The following ANK3 variants were observed in gnomAD, a reference collection of about 807,000 sequenced individuals.
ANK3 encodes the protein ankyrin-3.
In ANK3, 57 loss-of-function variants were observed where a neutral mutation model predicts 370.9. The ratio of observed to expected loss-of-function variants is 0.15; its 90% CI spans 0.12 to 0.19. ANK3 has a LOEUF of 0.19. ANK3 is among the 10% of genes least tolerant of loss of function. The probability of loss-of-function intolerance (pLI) is 1.00; values close to 1 mark genes in which losing one functional copy is unlikely to be tolerated. For missense variants in ANK3, 4,439 were observed against 5,302.1 expected (o/e 0.84, Z 5.06); for synonymous variants, 1,929 against 1,946.3 (o/e 0.99, Z 0.23).
chr10:60,215,374 T>C (rs1413686165), intron 8 of ANK3, among the ~76,000 whole-genome samples: 7 of 152,182 alleles, frequency 4.6e-5, no homozygotes, highest in African/African-American at 1.2e-4. Context: ...TAGATCTCAT[T>C]TGTCAAATTT....
chr10:60,557,116 C>T (rs1312750093), intron 2 of ANK3, among the ~76,000 whole-genome samples: 4 of 152,126 alleles, frequency 2.6e-5, no homozygotes, highest in Admixed American at 1.3e-4. Flanking sequence ...GACCACTGTA[C>T]CATATGACCA....
At chr10:60,141,658 T>C (rs1372068154) in intron 23 of ANK3, among the ~76,000 whole-genome samples, 3 of 121,386 alleles carry the variant, frequency 2.5e-5, no homozygotes, top group Non-Finnish European at 4.9e-5. Context: ...GTTTAGAAAC[T>C]GTCTTGCTGA....
At chr10:60,534,748 T>C (rs1290883854) in intron 2 of ANK3, among the ~76,000 whole-genome samples, 1 of 152,114 alleles carries the variant, frequency 6.6e-6, no homozygotes. Context: ...ATCATAGCCA[T>C]AAGCCAGCTG....
intron 1 of ANK3, among the ~76,000 whole-genome samples, chr10:60,311,739 G>A (rs2046399912): frequency 6.6e-6 from 1 of 152,082 alleles, no homozygotes; most frequent in Non-Finnish European, 1.5e-5. Flanking sequence ...CCCTCCACCT[G>A]GAATGCTGTC....
chr10:60,335,175 A>G (rs1019564257), intron 1 of ANK3, among the ~76,000 whole-genome samples: 8 of 152,148 alleles, frequency 5.3e-5, no homozygotes. Flanking sequence ...CCGAGTTTGC[A>G]GTAGAGACTC....
intron 8 of ANK3, among the ~76,000 whole-genome samples, chr10:60,221,744 A>G (rs951043363): frequency 6.6e-6 from 1 of 152,184 alleles, no homozygotes; most frequent in Non-Finnish European, 1.5e-5. Flanking sequence ...AAGACAATCA[A>G]GGCATGTCTT....
Position 60,214,972 on chromosome 10 carries a change from C to T in ANK3, c.898-1462G>A, listed in dbSNP as rs191457737. On this transcript the variant is annotated intron_variant, in intron 8 of 43. Coordinates refer to ENST00000280772, the MANE Select transcript of ANK3 (RefSeq NM_020987.5). Reference sequence around the variant, plus strand: ...ACAATGATTGAACTAATTTACATTCCTACCAACAGTGTAAAAGTATTCCTA... The same window carrying T: ...ACAATGATTGAACTAATTTACATTCTTACCAACAGTGTAAAAGTATTCCTA... 4.1e-3 allele frequency among the ~76,000 whole-genome samples: 620 copies of T among 152,250 alleles called. 5 individuals carry two copies. The highest frequency in any genetic ancestry group is 0.014 in the Middle Eastern group (4 of 294).
intron 2 of ANK3, among the ~76,000 whole-genome samples, chr10:60,583,354 A>G (rs551952187): frequency 2.2e-4 from 33 of 152,266 alleles, no homozygotes; most frequent in Admixed American, 7.8e-4. Context: ...AGGGATAGGG[A>G]AGAAAAGAGG....
At chr10:60,725,537 C>A (rs148333942) in intron 1 of ANK3, among the ~76,000 whole-genome samples, 171 of 152,288 alleles carry the variant, frequency 1.1e-3, no homozygotes, top group African/African-American at 4.0e-3. Context: ...TTATTCCCTC[C>A]TTCCCTCATT....
At chr10:60,364,837 G>C (rs2059173514) in intron 1 of ANK3, among the ~76,000 whole-genome samples, 1 of 151,316 alleles carries the variant, frequency 6.6e-6, no homozygotes, top group Non-Finnish European at 1.5e-5. Flanking sequence ...GGGAAGAACT[G>C]TATGTTTTAA....
chr10:60,034,389 T>C lies in ANK3; in HGVS notation c.*20-4563A>G, dbSNP rs181113246. 7.6e-3 allele frequency among the ~76,000 whole-genome samples: 1,157 copies of C among 152,298 alleles called. 8 individuals are homozygous for C. Among genetic ancestry groups the C allele is most frequent in the Non-Finnish European group, 0.013 (889 of 68,018 alleles). ...TCCCAAAGTGCTGGGATTACAGGCG[T>C]GTCACCATGCCCAGCCTGAAATTCT... On this transcript the variant is annotated intron_variant, in intron 43 of 43. Transcript: ENST00000280772.
At chr10:60,490,481 GA>G (rs973936459) in intron 2 of ANK3, among the ~76,000 whole-genome samples, 1 of 151,980 alleles carries the variant, frequency 6.6e-6, no homozygotes, top group Non-Finnish European at 1.5e-5. Flanking sequence ...GAAAAATCAG[GA>G]AAGAAGACTT....
At chr10:60,110,310 G>C (rs570242378) in intron 26 of ANK3, among the ~76,000 whole-genome samples, 1 of 152,164 alleles carries the variant, frequency 6.6e-6, no homozygotes, top group Admixed American at 6.5e-5. Flanking sequence ...AGAGGCAATG[G>C]GCTGGCGATC....
At chr10:60,237,829 C>T (rs996288963) in intron 7 of ANK3, among the ~76,000 whole-genome samples, 29 of 152,230 alleles carry the variant, frequency 1.9e-4, no homozygotes, top group African/African-American at 6.7e-4. Flanking sequence ...TTTCATTTTA[C>T]CCTCACAGCA....
intron 42 of ANK3, 172 bp from the exon 43 acceptor site, chr10:60,042,931 C>T: frequency 7.1e-7 from 1 of 1,415,664 alleles, no homozygotes; most frequent in East Asian, 2.6e-5. Flanking sequence ...AGTTTAGCAT[C>T]ATCAAGCAAG....
chr10:60,666,026 G>A (rs766902465), intron 1 of ANK3, among the ~76,000 whole-genome samples: 3 of 152,038 alleles, frequency 2.0e-5, no homozygotes, highest in African/African-American at 4.8e-5. Flanking sequence ...ATTAAACATA[G>A]AATTACCATA....
At chr10:60,044,748 A>C (rs1346296823) in intron 42 of ANK3, 1 of 152,160 alleles carries the variant, frequency 6.6e-6, no homozygotes, top group Non-Finnish European at 1.5e-5. Flanking sequence ...ATTTTTGTGG[A>C]TTGAGTTTTA....
chr10:60,109,691 T>C (rs956285537), intron 26 of ANK3, among the ~76,000 whole-genome samples: 3 of 152,308 alleles, frequency 2.0e-5, no homozygotes, highest in Admixed American at 6.5e-5. Context: ...GAATATTTTA[T>C]ACAATGATTA....
At chr10:60,119,387 T>C (rs2093324321) in intron 25 of ANK3, among the ~76,000 whole-genome samples, 1 of 152,262 alleles carries the variant, frequency 6.6e-6, no homozygotes, top group Admixed American at 6.5e-5. Flanking sequence ...TTATGTTTGT[T>C]CTGACATGTT....
Sources: allele counts gnomAD v4.1 joint callset (sites outside exome capture counted in the v4.1 genomes callset), GRCh38; gene constraint gnomAD v4.1.1; transcripts MANE v1.5; gene names NCBI Gene and HGNC (gene_info 2026-07-23, HGNC 2026-07-21).